Variants in CRADD observed in about 807,000 individuals in gnomAD.
The protein encoded by CRADD is death domain-containing protein CRADD.
Under a neutral mutation model 15.5 loss-of-function variants are expected in CRADD, and 9 were observed. That is an observed-to-expected ratio of 0.58 (90% CI 0.35 to 1.01). The LOEUF (loss-of-function observed/expected upper bound fraction) is 1.01. Among genes scored for constraint, CRADD ranks in the 50% least tolerant of loss-of-function variants. The probability of loss-of-function intolerance (pLI) is 0.02; values close to 1 mark genes in which losing one functional copy is unlikely to be tolerated. For missense variants in CRADD, 227 were observed against 250.3 expected (o/e 0.91, Z 0.63); for synonymous variants, 118 against 107.6 (o/e 1.10, Z -0.60).
At chr12:93,875,702 C>A (rs1453275808) in intron 2 of CRADD, among the ~76,000 whole-genome samples, 1 of 152,080 alleles carries the variant, frequency 6.6e-6, no homozygotes, top group African/African-American at 2.4e-5. Flanking sequence ...AAGCTCTACA[C>A]CTTAACTTTG....
intron 2 of CRADD, among the ~76,000 whole-genome samples, chr12:93,843,660 G>A (rs187194551): frequency 4.6e-5 from 7 of 151,398 alleles, no homozygotes; most frequent in African/African-American, 7.3e-5. Context: ...GATTACAGGC[G>A]TGAGCCACCG....
intron 2 of CRADD, among the ~76,000 whole-genome samples, chr12:93,893,726 T>G (rs765220958): frequency 3.9e-5 from 6 of 152,096 alleles, no homozygotes; most frequent in African/African-American, 1.4e-4. Flanking sequence ...GCCAACATGA[T>G]GAAATCCTGT....
intron 2 of CRADD, among the ~76,000 whole-genome samples, chr12:93,727,945 A>G (rs1292280498): frequency 6.6e-6 from 1 of 152,014 alleles, no homozygotes; most frequent in Non-Finnish European, 1.5e-5. Flanking sequence ...AATACTCTCT[A>G]CTCCTGGAGG....
chr12:93,878,853 A>G (rs756727193), intron 2 of CRADD, among the ~76,000 whole-genome samples: 2 of 152,186 alleles, frequency 1.3e-5, no homozygotes, highest in Non-Finnish European at 2.9e-5. Context: ...TATGAAGATA[A>G]AACCAGGTAC....
chr12:93,712,830 C>T (rs1182309365), intron 2 of CRADD, among the ~76,000 whole-genome samples: 1 of 151,952 alleles, frequency 6.6e-6, no homozygotes, highest in African/African-American at 2.4e-5. Context: ...ATGCTTAGGA[C>T]AGTGTTGTTT....
chr12:93,693,862 A>T (rs1224082914), intron 2 of CRADD, among the ~76,000 whole-genome samples: 2 of 152,116 alleles, frequency 1.3e-5, no homozygotes, highest in African/African-American at 4.8e-5. Context: ...ATTAATGAAA[A>T]GCCCAGAACC....
intron 2 of CRADD, among the ~76,000 whole-genome samples, chr12:93,831,847 G>A (rs1043363812): frequency 6.6e-6 from 1 of 152,222 alleles, no homozygotes; most frequent in African/African-American, 2.4e-5. Flanking sequence ...GAAGTGGTCT[G>A]TTTGATTGAT....
chr12:93,703,978 C>CTTTTTTTTTTT (rs71071759), intron 2 of CRADD, among the ~76,000 whole-genome samples: 10 of 90,268 alleles, frequency 1.1e-4, no homozygotes, highest in East Asian at 3.6e-4. Context: ...TGGAGCCTTT[C>CTTTTTTTTTTT]TTTTTTTTTT....
chr12:93,717,081 T>C (rs1002442535), intron 2 of CRADD, among the ~76,000 whole-genome samples: 1 of 152,224 alleles, frequency 6.6e-6, no homozygotes, highest in African/African-American at 2.4e-5. Context: ...AATGGGTGTA[T>C]AGTGGTATCT....
chr12:93,863,914 A>G lies in CRADD; in HGVS notation c.299-30136A>G, dbSNP rs142179832. On this transcript the variant is annotated intron_variant, in intron 2 of 2. Transcript: ENST00000548483. The stretch of plus-strand genomic sequence containing the variant: ...TATTCCAAACAGCAGTATACTAGAA[A>G]TGATGGGTCAATGTTATTTATATAT... Among the ~76,000 whole-genome samples the G allele has an allele frequency of 1.3e-4, 20 of 152,312 alleles. No individual in the cohort carries two copies. The East Asian group carries it at 3.7e-3, about 28-fold the overall frequency.
chr12:93,863,365 G>A (rs1022425087), intron 2 of CRADD, among the ~76,000 whole-genome samples: 3 of 152,100 alleles, frequency 2.0e-5, no homozygotes, highest in African/African-American at 4.8e-5. Context: ...TTCTCATTTC[G>A]GTTCTCATTT....
chr12:93,803,544 A>T (rs1212791398), intron 2 of CRADD, among the ~76,000 whole-genome samples: 1 of 152,056 alleles, frequency 6.6e-6, no homozygotes, highest in Non-Finnish European at 1.5e-5. Context: ...AAGCGTCTTT[A>T]AAAAAAACTG....
chr12:93,840,897 T>C (rs925908908), intron 2 of CRADD, among the ~76,000 whole-genome samples: 3 of 152,176 alleles, frequency 2.0e-5, no homozygotes, highest in African/African-American at 7.2e-5. Context: ...TTGGATCTTA[T>C]ACAGTCCAGA....
At chr12:93,866,950 T>C (rs1459800239) in intron 2 of CRADD, among the ~76,000 whole-genome samples, 1 of 152,140 alleles carries the variant, frequency 6.6e-6, no homozygotes, top group Admixed American at 6.5e-5. Context: ...CCTTCTGTTT[T>C]TGCTGTCTCT....
chr12:93,699,748 G>C (rs191331468), intron 2 of CRADD, among the ~76,000 whole-genome samples: 1 of 152,242 alleles, frequency 6.6e-6, no homozygotes, highest in Admixed American at 6.5e-5. Flanking sequence ...GCCTGTATTA[G>C]GTTCTCAATC....
At chr12:93,724,268 A>G (rs976711809) in intron 2 of CRADD, among the ~76,000 whole-genome samples, 1 of 152,004 alleles carries the variant, frequency 6.6e-6, no homozygotes, top group African/African-American at 2.4e-5. Context: ...AGTCCCAGCT[A>G]CTTGGGAGGC....
intron 2 of CRADD, among the ~76,000 whole-genome samples, chr12:93,777,391 G>A (rs1957152002): frequency 6.6e-6 from 1 of 152,200 alleles, no homozygotes. Context: ...AGAAGATACT[G>A]TTCTCCTGGA....
chr12:93,682,249 T>C (rs570956258), intron 2 of CRADD, among the ~76,000 whole-genome samples: 19 of 152,184 alleles, frequency 1.2e-4, no homozygotes, highest in Non-Finnish European at 2.2e-4. Context: ...TTTAAAATAG[T>C]CCACTTAAAT....
At chr12:93,800,219 G>T (rs920213872) in intron 2 of CRADD, among the ~76,000 whole-genome samples, 2 of 152,162 alleles carry the variant, frequency 1.3e-5, no homozygotes, top group Non-Finnish European at 2.9e-5. Context: ...GGGACTGGGG[G>T]TGTATAGGGT....
Sources: gnomAD v4.1 joint callset for allele counts (sites outside exome capture counted in the v4.1 genomes callset) on GRCh38, gnomAD v4.1.1 for gene constraint, MANE v1.5 for transcripts, NCBI Gene and HGNC (gene_info 2026-07-23, HGNC 2026-07-21) for gene names.